ORC4: variants seen among roughly 807,000 people sequenced by gnomAD.
The protein encoded by ORC4 is origin recognition complex subunit 4, also known as origin recognition complex, subunit 4 homolog.
ORC4 carries 55 observed loss-of-function variants against 63.9 expected under a neutral mutation model. The ratio of observed to expected loss-of-function variants is 0.86; its 90% CI spans 0.69 to 1.08. ORC4 has a LOEUF of 1.08. Among genes scored for constraint, ORC4 ranks in the 50% least tolerant of loss-of-function variants. ORC4 has a pLI of 0.00. For missense variants in ORC4, 511 were observed against 504.4 expected (o/e 1.01, Z -0.13); for synonymous variants, 150 against 168.5 (o/e 0.89, Z 0.85).
intron 1 of ORC4, among the ~76,000 whole-genome samples, chr2:147,978,886 A>G (rs1690711490): frequency 6.6e-6 from 1 of 152,228 alleles, no homozygotes; most frequent in Non-Finnish European, 1.5e-5. Context: ...AGATACAGAA[A>G]AAGCTTCTAA....
chr2:148,011,734 C>A (rs1293459785), intron 1 of ORC4, among the ~76,000 whole-genome samples: 1 of 152,122 alleles, frequency 6.6e-6, no homozygotes, highest in Non-Finnish European at 1.5e-5. Flanking sequence ...CAACAAACGA[C>A]TATTAGAACT....
chr2:147,952,524 C>A lies in ORC4; in HGVS notation c.437G>T (p.Gly146Val). ...LSFLLEALKKGDRTSSCPVIF... is the reference protein window; with the variant it reads ...LSFLLEALKKVDRTSSCPVIF... ...CACTGGGCAACTGCTAGTTCGGTCA[C>A]CTAAGATAAAATAAGAGCATTACAT... Residue 146 changes from glycine (G) to valine (V), a missense_variant and splice_region_variant, in exon 8 of 14, where the codon GGT (glycine) becomes GTT (valine). By Grantham distance (109) the Gly-to-Val change is moderately radical. Coordinates refer to ENST00000392857, the MANE Select transcript of ORC4 (RefSeq NM_181741.4). 1.2e-6 allele frequency: 2 copies of A among 1,604,270 alleles called. No individual in the cohort carries two copies. Among genetic ancestry groups the A allele is most frequent in the Non-Finnish European group, 8.5e-7 (1 of 1,171,270 alleles).
At chr2:147,976,118 C>A in intron 1 of ORC4, 143 bp from the exon 2 acceptor site, 1 of 633,580 alleles carries the variant, frequency 1.6e-6, no homozygotes, top group Non-Finnish European at 2.8e-6. Context: ...TCTTCGATGG[C>A]TTCATTTTGT....
At chr2:147,955,657 G>C (rs1368178644) in intron 6 of ORC4, among the ~76,000 whole-genome samples, 1 of 151,542 alleles carries the variant, frequency 6.6e-6, no homozygotes, top group Non-Finnish European at 1.5e-5. Context: ...GGTCAAAGAA[G>C]AAAAAGAAAA....
intron 4 of ORC4, among the ~76,000 whole-genome samples, chr2:147,971,359 G>A (rs1036650302): frequency 2.0e-5 from 3 of 151,508 alleles, no homozygotes; most frequent in African/African-American, 2.4e-5. Flanking sequence ...GCCACAGACT[G>A]TAAGAAAATA....
At chr2:147,957,397 A>G (rs898522002) in intron 6 of ORC4, among the ~76,000 whole-genome samples, 3 of 151,920 alleles carry the variant, frequency 2.0e-5, no homozygotes, top group East Asian at 3.9e-4. Flanking sequence ...ATGCCACCGC[A>G]TGGTCACCAG....
chr2:148,015,786 T>C (rs1199335147), intron 1 of ORC4, among the ~76,000 whole-genome samples: 2 of 151,994 alleles, frequency 1.3e-5, no homozygotes, highest in Non-Finnish European at 2.9e-5. Context: ...AAGTTCAAAG[T>C]GGGTCGTAAA....
chr2:147,944,205 A>G (rs1688530581), intron 9 of ORC4, among the ~76,000 whole-genome samples: 1 of 152,134 alleles, frequency 6.6e-6, no homozygotes, highest in Non-Finnish European at 1.5e-5. Flanking sequence ...AAGGGTTTGA[A>G]AGGTAGAAGA....
At chr2:148,006,964 T>A (rs946967558) in intron 1 of ORC4, among the ~76,000 whole-genome samples, 1 of 152,216 alleles carries the variant, frequency 6.6e-6, no homozygotes, top group African/African-American at 2.4e-5. Context: ...AGCAAGAGAC[T>A]CTGCCTGGTA....
chr2:147,955,260 TGGCAAAAG>T, intron 7 of ORC4, 79 bp downstream of exon 7: 2 of 831,600 alleles, frequency 2.4e-6, no homozygotes, highest in Admixed American at 5.1e-5. Context: ...CTTTTTTTTT[TGGCAAAAG>T]CTTGTATTAC....
At position 147,934,661 on chromosome 2, in the gene ORC4, T is replaced by C. The variant is rs1424565543; in HGVS notation, c.*849A>G. 1 of 152,164 alleles carries C rather than the reference T, an allele frequency of 6.6e-6. No homozygotes were observed. Among genetic ancestry groups the C allele is most frequent in the Admixed American group, 6.6e-5 (1 of 15,256 alleles). The allele number at this position is 152,164 out of a possible 1,614,324, so 9.4% of individuals were successfully genotyped here. On this transcript the variant is annotated 3_prime_UTR_variant, in exon 14 of 14. Transcript: ENST00000392857. ...ATACAGATAGCCTAGCCTATTACTC[T>C]TCAGCTATAGCACTGTACAGAATGT... is the stretch of plus-strand genomic sequence containing the variant.
chr2:148,015,321 T>G (rs1469062467), intron 1 of ORC4, among the ~76,000 whole-genome samples: 1 of 143,002 alleles, frequency 7.0e-6, no homozygotes, highest in East Asian at 2.0e-4. Context: ...TTTTTTTTTT[T>G]TTTTTTTTTT....
chr2:147,963,825 A>T (rs1689744824), intron 4 of ORC4, among the ~76,000 whole-genome samples: 1 of 152,202 alleles, frequency 6.6e-6, no homozygotes, highest in South Asian at 2.1e-4. Flanking sequence ...TAGGCCACTG[A>T]GACACTTGTA....
intron 1 of ORC4, among the ~76,000 whole-genome samples, chr2:148,011,862 A>G (rs1487723840): frequency 6.6e-6 from 1 of 152,196 alleles, no homozygotes; most frequent in Non-Finnish European, 1.5e-5. Context: ...CCCATTTACA[A>G]TAGCTACAAA....
At chr2:147,991,942 AG>A (rs1333548960) in intron 1 of ORC4, among the ~76,000 whole-genome samples, 3 of 152,250 alleles carry the variant, frequency 2.0e-5, no homozygotes, top group African/African-American at 7.2e-5. Context: ...TGAATAAAAA[AG>A]AAATACTAGT....
intron 13 of ORC4, chr2:147,936,833 A>C (rs1688076224): frequency 6.6e-6 from 1 of 152,080 alleles, no homozygotes. Flanking sequence ...AGCCTGACCA[A>C]CATGGTGAAA....
At position 147,931,376 on chromosome 2, in the gene ORC4, A is replaced by G. The variant is rs1192985271; in HGVS notation, c.*4134T>C. On this transcript the variant is annotated 3_prime_UTR_variant, in exon 14 of 14. Transcript: ENST00000392857. Reference sequence around the variant, plus strand: ...TAGTCCTTTGGGTATATACCCAGTAATGGGATGGCTGGGTCAAATGGTGTT... The same window carrying G: ...TAGTCCTTTGGGTATATACCCAGTAGTGGGATGGCTGGGTCAAATGGTGTT... 1.3e-5 allele frequency: 2 copies of G among 152,002 alleles called. No individual in the cohort carries two copies. Among genetic ancestry groups the G allele is most frequent in the African/African-American group, 4.8e-5 (2 of 41,376 alleles). The allele number at this position is 152,002 out of a possible 1,614,324, so 9.4% of individuals were successfully genotyped here. A position where few individuals can be genotyped will look rare whatever the true frequency, so the allele number is the denominator to read the frequency against.
chr2:148,012,589 T>C (rs1212573223), intron 1 of ORC4, among the ~76,000 whole-genome samples: 2 of 151,598 alleles, frequency 1.3e-5, no homozygotes, highest in Admixed American at 1.3e-4. Flanking sequence ...TAAAATAAAA[T>C]AACAACAAAT....
intron 8 of ORC4, among the ~76,000 whole-genome samples, chr2:147,949,063 G>A (rs1688811835): frequency 7.8e-6 from 1 of 128,324 alleles, no homozygotes; most frequent in Admixed American, 7.6e-5. Context: ...ATACAGTATA[G>A]TATAATATAT....
Sources: gnomAD v4.1 joint callset for allele counts (sites outside exome capture counted in the v4.1 genomes callset) on GRCh38, gnomAD v4.1.1 for gene constraint, MANE v1.5 for transcripts, NCBI Gene and HGNC (gene_info 2026-07-23, HGNC 2026-07-21) for gene names.